Variants in ST6GAL1 observed in about 807,000 individuals in gnomAD.
The protein encoded by ST6GAL1 is beta-galactoside alpha-2,6-sialyltransferase 1.
Under a neutral mutation model 38.0 loss-of-function variants are expected in ST6GAL1, and 20 were observed. The observed-to-expected ratio is 0.53, with a 90% CI of 0.37 to 0.77. The LOEUF is 0.77. ST6GAL1 is among the 30% of genes least tolerant of loss of function. The pLI is 0.00. For synonymous variants in ST6GAL1, 196 were observed against 188.2 expected, an observed-to-expected ratio of 1.04 and a Z score of -0.34; for missense variants, 432 against 496.4, an observed-to-expected ratio of 0.87 and a Z score of 1.23.
intron 5 of ST6GAL1, chr3:187,064,706 G>A (rs756462393): frequency 6.7e-6 from 3 of 445,766 alleles, no homozygotes; most frequent in Non-Finnish European, 1.4e-5. Context: ...CTCCATGACA[G>A]CACTTGTGGT....
At chr3:186,976,416 A>G (rs1715522708) in intron 2 of ST6GAL1, among the ~76,000 whole-genome samples, 1 of 151,756 alleles carries the variant, frequency 6.6e-6, no homozygotes, top group African/African-American at 2.4e-5. Context: ...GTTTACATAC[A>G]TCATTTTATT....
intron 5 of ST6GAL1, among the ~76,000 whole-genome samples, chr3:187,068,868 A>G (rs1208743317): frequency 1.3e-5 from 2 of 152,220 alleles, no homozygotes; most frequent in African/African-American, 4.8e-5. Flanking sequence ...TTTCAGGGGA[A>G]TAGGGTGGAT....
chr3:186,999,538 A>T (rs1259546429), intron 2 of ST6GAL1, among the ~76,000 whole-genome samples: 1 of 151,572 alleles, frequency 6.6e-6, no homozygotes, highest in African/African-American at 2.4e-5. Context: ...CAGCCTCCCG[A>T]GTAGCTGGGA....
chr3:187,075,695 G>A lies in ST6GAL1; in HGVS notation c.1113G>A (p.Pro371=), dbSNP rs146130483. The A allele has an allele frequency of 6.2e-6, 10 of 1,614,072 alleles. No individual in the cohort carries two copies. The highest frequency in any genetic ancestry group is 1.6e-4 in the Middle Eastern group (1 of 6,084). The change falls in exon 8 of 8, where the codon CCG becomes CCA. Residue 371 remains proline, a synonymous_variant. Transcript: ENST00000169298. The surrounding 1 kb of genome is among the most constrained non-coding windows in gnomAD (Gnocchi z 4.1). ...DSACTMGAYH[P]LLYEKNLVKH... ...CCTGCACGATGGGTGCCTACCACCC[G>A]CTGCTCTATGAGAAGAATTTGGTGA...
chr3:186,973,559 A>G (rs1253219988), intron 2 of ST6GAL1, among the ~76,000 whole-genome samples: 1 of 152,218 alleles, frequency 6.6e-6, no homozygotes, highest in Non-Finnish European at 1.5e-5. Flanking sequence ...TGTCTGGGAA[A>G]GAGAGGTTTC....
At chr3:187,027,611 GTCT>G (rs1368389121) in intron 2 of ST6GAL1, among the ~76,000 whole-genome samples, 1 of 152,026 alleles carries the variant, frequency 6.6e-6, no homozygotes, top group Non-Finnish European at 1.5e-5. Context: ...TTCTTGCCCC[GTCT>G]TCTTTTCTCA....
chr3:187,041,525 G>C (rs1718123215), intron 3 of ST6GAL1, among the ~76,000 whole-genome samples: 1 of 152,198 alleles, frequency 6.6e-6, no homozygotes, highest in Admixed American at 6.5e-5. Flanking sequence ...CAAAGTAGGT[G>C]TTTACTCAGA....
intron 4 of ST6GAL1, among the ~76,000 whole-genome samples, chr3:187,047,862 A>G (rs907372815): frequency 2.0e-5 from 3 of 152,070 alleles, no homozygotes; most frequent in Non-Finnish European, 4.4e-5. Context: ...CATGCATACA[A>G]TGCGCAATGA....
chr3:186,960,828 C>T (rs114376460), intron 1 of ST6GAL1, among the ~76,000 whole-genome samples: 2,607 of 151,414 alleles, frequency 0.017, 74 homozygotes, highest in African/African-American at 0.06. Flanking sequence ...CCTAGTGGCC[C>T]GCGGCCACTA....
At chr3:187,055,601 T>C (rs990573180) in intron 5 of ST6GAL1, among the ~76,000 whole-genome samples, 11 of 152,220 alleles carry the variant, frequency 7.2e-5, no homozygotes, top group Non-Finnish European at 1.5e-4. Flanking sequence ...TCAGTTTCCA[T>C]GTAGTTGTGC....
intron 5 of ST6GAL1, among the ~76,000 whole-genome samples, chr3:187,066,602 G>A (rs1001180686): frequency 2.7e-4 from 7 of 26,400 alleles, no homozygotes; most frequent in African/African-American, 6.6e-4. Flanking sequence ...GCGTGCGTGC[G>A]TGTGTGTGTG....
Position 186,934,743 on chromosome 3 carries a change from A to G in ST6GAL1, c.-325+3909A>G, listed in dbSNP as rs1005748255. ...GCTTGAGTGCTTACCAGCTTTTAAA[A>G]AATTTTATTTATTTATGTATTTATT... On this transcript the variant is annotated intron_variant, in intron 1 of 7. Coordinates refer to ENST00000169298, the MANE Select transcript of ST6GAL1 (RefSeq NM_173216.2). Among the ~76,000 whole-genome samples the G allele has an allele frequency of 5.7e-5, 4 of 70,488 alleles. No individual in the cohort carries two copies. The East Asian group carries it at 1.3e-3, about 23-fold the overall frequency. The allele number at this position is 70,488 out of a possible 152,430, so 46.2% of individuals were successfully genotyped here. A position where few individuals can be genotyped will look rare whatever the true frequency, so the allele number is the denominator to read the frequency against.
At chr3:186,933,581 A>G (rs1307830589) in intron 1 of ST6GAL1, among the ~76,000 whole-genome samples, 2 of 152,226 alleles carry the variant, frequency 1.3e-5, no homozygotes, top group Non-Finnish European at 2.9e-5. Flanking sequence ...GCACTGCAGT[A>G]TAGTTTTCTC....
At chr3:186,987,231 GAAGGAAGA>G (rs1318012565) in intron 2 of ST6GAL1, among the ~76,000 whole-genome samples, 1 of 151,804 alleles carries the variant, frequency 6.6e-6, no homozygotes, top group Non-Finnish European at 1.5e-5. Context: ...AGCAAGGAAG[GAAGGAAGA>G]AAGGAAAGAA....
intron 1 of ST6GAL1, among the ~76,000 whole-genome samples, chr3:186,939,793 C>T (rs756782662): frequency 6.6e-5 from 10 of 152,198 alleles, no homozygotes; most frequent in African/African-American, 2.4e-4. Flanking sequence ...ACACACACAA[C>T]GCCCCATGCT....
chr3:187,061,866 A>T (rs887915156), intron 5 of ST6GAL1, among the ~76,000 whole-genome samples: 2 of 152,302 alleles, frequency 1.3e-5, no homozygotes, highest in South Asian at 2.1e-4. Context: ...GAAAAAATAT[A>T]CAAGTTGGAC....
chr3:187,008,260 A>T (rs1450540982), intron 2 of ST6GAL1, among the ~76,000 whole-genome samples: 1 of 152,100 alleles, frequency 6.6e-6, no homozygotes. Context: ...CCAAGGATTA[A>T]AAAACATTAA....
chr3:186,970,939 T>C (rs961707234), intron 2 of ST6GAL1, among the ~76,000 whole-genome samples: 6 of 152,250 alleles, frequency 3.9e-5, no homozygotes, highest in African/African-American at 9.6e-5. Flanking sequence ...AATTGCTAAG[T>C]TGCATGGTGA....
At chr3:186,987,206 A>AAGGAC in intron 2 of ST6GAL1, among the ~76,000 whole-genome samples, 1 of 146,404 alleles carries the variant, frequency 6.8e-6, no homozygotes, top group African/African-American at 2.6e-5. Flanking sequence ...GAGGGAAGGA[A>AAGGAC]AGAAAAGGAA....
Sources: allele counts gnomAD v4.1 joint callset (sites outside exome capture counted in the v4.1 genomes callset), GRCh38; gene constraint gnomAD v4.1.1; non-coding constraint Gnocchi (gnomAD v3.1); transcripts MANE v1.5; gene names NCBI Gene and HGNC (gene_info 2026-07-23, HGNC 2026-07-21).